The following DCC variants were observed in gnomAD, a reference collection of about 807,000 sequenced individuals.
DCC encodes DCC netrin 1 receptor, also known as netrin receptor DCC.
Under a neutral mutation model 172.5 loss-of-function variants are expected in DCC, and 58 were observed. The ratio of observed to expected loss-of-function variants is 0.34; its 90% CI spans 0.27 to 0.42. The LOEUF is 0.42. Ranked by LOEUF, DCC falls within the 10% of genes least tolerant of loss-of-function variation. The probability of loss-of-function intolerance (pLI) is 1.00; values close to 1 mark genes in which losing one functional copy is unlikely to be tolerated. For synonymous variants in DCC, 709 were observed against 644.5 expected (o/e 1.10, Z -1.52); for missense variants, 1,740 against 1,791.0 (o/e 0.97, Z 0.51).
chr18:53,522,860 G>C (rs997643420), intron 27 of DCC, among the ~76,000 whole-genome samples: 3 of 152,142 alleles, frequency 2.0e-5, no homozygotes, highest in African/African-American at 7.2e-5. Flanking sequence ...CATGGGCAAA[G>C]ACTTCATGAT....
chr18:53,115,935 G>A (rs889734006), intron 7 of DCC, among the ~76,000 whole-genome samples: 2 of 151,432 alleles, frequency 1.3e-5, no homozygotes, highest in Non-Finnish European at 3.0e-5. Context: ...CAATGGACCA[G>A]GGACAAATCC....
At chr18:52,461,653 T>C (rs1279239160) in intron 1 of DCC, among the ~76,000 whole-genome samples, 1 of 152,192 alleles carries the variant, frequency 6.6e-6, no homozygotes, top group Non-Finnish European at 1.5e-5. Flanking sequence ...TGTATAACCT[T>C]ATGGGACCAC....
chr18:52,867,945 T>C (rs2039253814), intron 2 of DCC, among the ~76,000 whole-genome samples: 1 of 151,932 alleles, frequency 6.6e-6, no homozygotes, highest in Admixed American at 6.6e-5. Flanking sequence ...AACCATTACA[T>C]TATTATGTGT....
At chr18:53,281,295 A>T (rs975456558) in intron 12 of DCC, among the ~76,000 whole-genome samples, 1 of 152,106 alleles carries the variant, frequency 6.6e-6, no homozygotes, top group South Asian at 2.1e-4. Flanking sequence ...TAGGTTTAAG[A>T]TATTATCCAA....
At chr18:53,181,242 C>T (rs1387938536) in intron 9 of DCC, among the ~76,000 whole-genome samples, 1 of 151,996 alleles carries the variant, frequency 6.6e-6, no homozygotes, top group Non-Finnish European at 1.5e-5. Flanking sequence ...AATTGTTATA[C>T]TGTACTTTTC....
chr18:52,838,587 G>A (rs1232825791), intron 2 of DCC, among the ~76,000 whole-genome samples: 3 of 152,032 alleles, frequency 2.0e-5, no homozygotes, highest in African/African-American at 4.8e-5. Flanking sequence ...AAATCATCAA[G>A]TAATAATAAG....
chr18:52,769,456 T>C (rs1426307871), intron 2 of DCC, among the ~76,000 whole-genome samples: 1 of 152,232 alleles, frequency 6.6e-6, no homozygotes, highest in Non-Finnish European at 1.5e-5. Flanking sequence ...ACAATTTTTG[T>C]ATATTTGGTT....
intron 12 of DCC, among the ~76,000 whole-genome samples, chr18:53,301,402 T>C (rs902521692): frequency 6.6e-6 from 1 of 151,922 alleles, no homozygotes; most frequent in Non-Finnish European, 1.5e-5. Context: ...TCTGGATTCT[T>C]TCTAACAGCC....
chr18:53,071,284 G>A (rs4506980), intron 7 of DCC, among the ~76,000 whole-genome samples: 49,314 of 152,072 alleles, frequency 0.32, 8,909 homozygotes, highest in Non-Finnish European at 0.41. Flanking sequence ...ATTAAATTGA[G>A]TGAATGACTT....
rs2046519333 is a variant in DCC, at chr18:53,530,956, C to T, written c.*303C>T. 4.2e-6 allele frequency: 2 copies of T among 479,452 alleles called. No homozygotes were observed. The highest frequency in any genetic ancestry group is 7.7e-6 in the Non-Finnish European group (2 of 260,988). 29.7% of individuals were successfully genotyped at this position (479,452 alleles called of 1,614,324 possible). Reference sequence around the variant, plus strand: ...GGCCTTTGTCACTGCAGTGACCACACTGTCATAACTAATACCTATGTTTTC... The same window carrying T: ...GGCCTTTGTCACTGCAGTGACCACATTGTCATAACTAATACCTATGTTTTC... On this transcript the variant is annotated 3_prime_UTR_variant, in exon 29 of 29. Transcript: ENST00000442544.
At chr18:52,471,875 G>A (rs1289117666) in intron 1 of DCC, among the ~76,000 whole-genome samples, 2 of 152,164 alleles carry the variant, frequency 1.3e-5, no homozygotes, top group African/African-American at 4.8e-5. Context: ...ATAGAGAAAT[G>A]TTTGATATTC....
At chr18:53,480,645 T>C (rs1027788761) in intron 25 of DCC, among the ~76,000 whole-genome samples, 1 of 152,124 alleles carries the variant, frequency 6.6e-6, no homozygotes, top group South Asian at 2.1e-4. Flanking sequence ...CCAACATTTA[T>C]GGGGTGCTGA....
chr18:52,647,082 A>C (rs1004541949), intron 1 of DCC, among the ~76,000 whole-genome samples: 1 of 152,158 alleles, frequency 6.6e-6, no homozygotes, highest in Admixed American at 6.5e-5. Flanking sequence ...GCCCAAATAC[A>C]TGTTCTTTAA....
At chr18:52,535,987 A>G (rs1336370199) in intron 1 of DCC, among the ~76,000 whole-genome samples, 1 of 152,194 alleles carries the variant, frequency 6.6e-6, no homozygotes, top group Admixed American at 6.5e-5. Context: ...TTCCATGAGA[A>G]GGTAGCTTTT....
At chr18:53,368,747 G>A (rs1483332232) in intron 15 of DCC, among the ~76,000 whole-genome samples, 1 of 151,988 alleles carries the variant, frequency 6.6e-6, no homozygotes, top group Non-Finnish European at 1.5e-5. Flanking sequence ...TTATTTGACT[G>A]TATATCGCAA....
At chr18:52,768,805 T>C (rs749697744) in intron 2 of DCC, among the ~76,000 whole-genome samples, 3 of 152,196 alleles carry the variant, frequency 2.0e-5, no homozygotes, top group East Asian at 1.9e-4. Flanking sequence ...ACCCTCTTTA[T>C]ACCTTGAAAT....
intron 27 of DCC, among the ~76,000 whole-genome samples, chr18:53,520,942 T>G (rs904318388): frequency 6.6e-6 from 1 of 152,038 alleles, no homozygotes; most frequent in African/African-American, 2.4e-5. Context: ...CTGCTGACAA[T>G]GAACTCTGGG....
At chr18:53,428,080 TTATAATAATATATAATATATAATATAA>T (rs1388325270) in intron 21 of DCC, among the ~76,000 whole-genome samples, 21,969 of 43,618 alleles carry the variant, frequency 0.5, 7,871 homozygotes, top group Non-Finnish European at 0.59. Context: ...ATATAATATA[TTATAATAATATATAATATATAATATAA>T]TATAATAATA....
chr18:53,414,391 CTT>C (rs2145063222), intron 20 of DCC, among the ~76,000 whole-genome samples: 1 of 152,130 alleles, frequency 6.6e-6, no homozygotes, highest in African/African-American at 2.4e-5. Flanking sequence ...TGGGAGGAAA[CTT>C]TGGGAGTTTG....
Sources: gnomAD v4.1 joint callset for allele counts (sites outside exome capture counted in the v4.1 genomes callset) on GRCh38, gnomAD v4.1.1 for gene constraint, MANE v1.5 for transcripts, NCBI Gene and HGNC (gene_info 2026-07-23, HGNC 2026-07-21) for gene names.